Variants in FAM168A observed in about 807,000 individuals in gnomAD.
FAM168A encodes family with sequence similarity 168 member A, also known as protein FAM168A.
Under a neutral mutation model 28.5 loss-of-function variants are expected in FAM168A, and 3 were observed. The observed-to-expected ratio is 0.11, with a 90% CI of 0.05 to 0.27. The LOEUF is 0.27. Ranked by LOEUF, FAM168A falls within the 10% of genes least tolerant of loss-of-function variation. The pLI, the probability that FAM168A is intolerant of heterozygous loss-of-function variation, is 1.00. For synonymous variants in FAM168A, 122 were observed against 124.2 expected (o/e 0.98, Z 0.12); for missense variants, 222 against 311.5 (o/e 0.71, Z 2.16).
At chr11:73,529,796 C>CTTTTTTTTTTTTTTTTTTT (rs772530179) in intron 1 of FAM168A, among the ~76,000 whole-genome samples, 38 of 127,494 alleles carry the variant, frequency 3.0e-4, no homozygotes, top group African/African-American at 9.8e-4. Flanking sequence ...ACTTTTTCTT[C>CTTTTTTTTTTTTTTTTTTT]TTTTTTTTTT....
intron 2 of FAM168A, among the ~76,000 whole-genome samples, chr11:73,443,463 G>A (rs1235033687): frequency 2.6e-5 from 4 of 152,164 alleles, no homozygotes; most frequent in Admixed American, 6.5e-5. Context: ...AGATATAAGC[G>A]TTGTGAGAGA....
At chr11:73,531,859 C>A (rs962002954) in intron 1 of FAM168A, among the ~76,000 whole-genome samples, 25 of 145,400 alleles carry the variant, frequency 1.7e-4, no homozygotes, top group Non-Finnish European at 2.7e-4. Flanking sequence ...GGCTGGAGTG[C>A]AGTGGTGTGA....
In FAM168A at chr11:73,570,501, G is replaced by A. The variant is rs1211989590; in HGVS notation, c.-19+27422C>T. 6.6e-5 allele frequency among the ~76,000 whole-genome samples: 10 copies of A among 152,120 alleles called. 1 individual carries two copies. The highest frequency in any genetic ancestry group is 3.3e-4 in the Admixed American group (5 of 15,274). On this transcript the variant is annotated intron_variant, in intron 1 of 7. Transcript: ENST00000356467. ...TCACACCTGTAATCCCAACACTTAA[G>A]GAGGCCAAGGCTGATGGATCACTTG...
chr11:73,427,636 C>T (rs1866913602), intron 3 of FAM168A, among the ~76,000 whole-genome samples: 1 of 152,126 alleles, frequency 6.6e-6, no homozygotes, highest in African/African-American at 2.4e-5. Flanking sequence ...ATAAGAGTAC[C>T]AACCTCAAAA....
At chr11:73,464,556 T>C (rs1472884099) in intron 2 of FAM168A, among the ~76,000 whole-genome samples, 9 of 152,144 alleles carry the variant, frequency 5.9e-5, no homozygotes, top group African/African-American at 2.2e-4. Context: ...GAATGTGAAG[T>C]GGCCACAACG....
chr11:73,593,646 C>T (rs1944408446), intron 1 of FAM168A, among the ~76,000 whole-genome samples: 1 of 152,212 alleles, frequency 6.6e-6, no homozygotes, highest in African/African-American at 2.4e-5. Flanking sequence ...TGGTAGGGCA[C>T]ACAAGGCTAT....
chr11:73,529,264 C>T (rs1170249677), intron 1 of FAM168A, among the ~76,000 whole-genome samples: 2 of 152,168 alleles, frequency 1.3e-5, no homozygotes, highest in Non-Finnish European at 2.9e-5. Context: ...GAAGGTGTTG[C>T]CTGTTCAAAT....
intron 1 of FAM168A, among the ~76,000 whole-genome samples, chr11:73,500,591 C>T (rs1854990344): frequency 6.6e-6 from 1 of 152,086 alleles, no homozygotes; most frequent in Non-Finnish European, 1.5e-5. Context: ...CCAAACTAAG[C>T]TTCATAAGCT....
intron 1 of FAM168A, among the ~76,000 whole-genome samples, chr11:73,575,475 T>C (rs1944161149): frequency 6.6e-6 from 1 of 152,234 alleles, no homozygotes; most frequent in Admixed American, 6.5e-5. Context: ...GTAAACTGTC[T>C]GCCACTAATT....
chr11:73,481,051 C>T (rs1867961269), intron 1 of FAM168A, among the ~76,000 whole-genome samples: 1 of 151,816 alleles, frequency 6.6e-6, no homozygotes, highest in South Asian at 2.1e-4. Context: ...CTCATCTTTC[C>T]TAGCTCCTTC....
intron 1 of FAM168A, among the ~76,000 whole-genome samples, chr11:73,485,146 A>G (rs935855948): frequency 6.6e-6 from 1 of 152,174 alleles, no homozygotes; most frequent in African/African-American, 2.4e-5. Context: ...TATTTTAACA[A>G]CCATCATGTT....
At chr11:73,484,507 G>GAT (rs1211070796) in intron 1 of FAM168A, among the ~76,000 whole-genome samples, 4 of 77,774 alleles carry the variant, frequency 5.1e-5, no homozygotes, top group African/African-American at 1.1e-4. Flanking sequence ...AGGAGAGAGA[G>GAT]ATATATATAG....
rs932668748 is a variant in FAM168A at position 73,468,477 on chromosome 11, T to C, written c.-3A>G. ...ACGGGGCTGTAAACAGGGTTCATTG[T>C]GGAAGACTGAGGATCCTACAGAGAA... On this transcript the variant is annotated 5_prime_UTR_variant, in exon 2 of 8. Coordinates refer to ENST00000356467, the MANE Select transcript of FAM168A (RefSeq NM_015159.3). 6.2e-7 allele frequency: 1 copy of C among 1,613,974 alleles called. No individual in the cohort carries two copies. Among genetic ancestry groups the C allele is most frequent in the Non-Finnish European group, 8.5e-7 (1 of 1,179,856 alleles).
chr11:73,554,414 A>C (rs1779166217), intron 1 of FAM168A, among the ~76,000 whole-genome samples: 1 of 152,006 alleles, frequency 6.6e-6, no homozygotes, highest in Non-Finnish European at 1.5e-5. Context: ...TAAATTAAAA[A>C]ATACTCCAAA....
chr11:73,451,039 GT>G (rs1405101375), intron 2 of FAM168A, among the ~76,000 whole-genome samples: 1 of 152,152 alleles, frequency 6.6e-6, no homozygotes, highest in Non-Finnish European at 1.5e-5. Flanking sequence ...GTGTGTGCAT[GT>G]GTGATATATA....
At chr11:73,456,640 AC>A (rs1359523212) in intron 2 of FAM168A, among the ~76,000 whole-genome samples, 3 of 152,258 alleles carry the variant, frequency 2.0e-5, no homozygotes, top group African/African-American at 4.8e-5. Flanking sequence ...TTTTAAGGAT[AC>A]CTACATTGGG....
intron 1 of FAM168A, among the ~76,000 whole-genome samples, chr11:73,513,205 A>ATTTTTTTT (rs1046600591): frequency 3.7e-5 from 4 of 109,376 alleles, no homozygotes; most frequent in East Asian, 2.4e-4. Flanking sequence ...TTTTTTTTTA[A>ATTTTTTTT]TTTTTTTTTT....
intron 1 of FAM168A, among the ~76,000 whole-genome samples, chr11:73,518,791 G>C (rs573844631): frequency 5.9e-5 from 9 of 152,276 alleles, no homozygotes; most frequent in Admixed American, 1.3e-4. Context: ...CAGATACTCA[G>C]GAGGCTGAGG....
chr11:73,552,683 G>A (rs756931159), intron 1 of FAM168A, among the ~76,000 whole-genome samples: 4 of 152,146 alleles, frequency 2.6e-5, no homozygotes, highest in Non-Finnish European at 4.4e-5. Context: ...GAGGCCAGGC[G>A]TGGTGGCTCA....
Sources: allele counts gnomAD v4.1 joint callset (sites outside exome capture counted in the v4.1 genomes callset), GRCh38; gene constraint gnomAD v4.1.1; transcripts MANE v1.5; gene names NCBI Gene and HGNC (gene_info 2026-07-23, HGNC 2026-07-21).